Variants in MACROD1 observed in about 807,000 individuals in gnomAD.
MACROD1 encodes the protein mono-ADP ribosylhydrolase 1, also known as ADP-ribose glycohydrolase MACROD1.
Under a neutral mutation model 41.4 loss-of-function variants are expected in MACROD1, and 31 were observed. The ratio of observed to expected loss-of-function variants is 0.75; its 90% CI spans 0.56 to 1.01. The LOEUF (loss-of-function observed/expected upper bound fraction) is 1.01. Among genes scored for constraint, MACROD1 ranks in the 50% least tolerant of loss-of-function variants. The pLI is 0.00. For synonymous variants in MACROD1, 252 were observed against 203.4 expected (o/e 1.24, Z -2.03); for missense variants, 473 against 460.0 (o/e 1.03, Z -0.26).
At chr11:64,077,401 TCCCCAGCTGTG>T (rs1374752733) in intron 3 of MACROD1, among the ~76,000 whole-genome samples, 2 of 152,150 alleles carry the variant, frequency 1.3e-5, no homozygotes, top group African/African-American at 4.8e-5. Flanking sequence ...CCTCTGTCCC[TCCCCAGCTGTG>T]CCCCGTCCTC....
chr11:64,136,259 T>G (rs1945331018), intron 3 of MACROD1, among the ~76,000 whole-genome samples: 1 of 152,212 alleles, frequency 6.6e-6, no homozygotes, highest in South Asian at 2.1e-4. Context: ...CCTCATTCAT[T>G]CATTCACCCA....
At chr11:64,087,758 C>T (rs1278318795) in intron 3 of MACROD1, among the ~76,000 whole-genome samples, 2 of 152,240 alleles carry the variant, frequency 1.3e-5, no homozygotes, top group East Asian at 1.9e-4. Context: ...ACACAGAGCA[C>T]GCTGTGCACG....
rs187441628 is a variant in MACROD1 at position 64,053,889 on chromosome 11, C to T, written c.518-38608G>A. 1.1e-4 allele frequency among the ~76,000 whole-genome samples: 17 copies of T among 152,256 alleles called. 1 individual carries two copies. The highest frequency in any genetic ancestry group is 1.1e-3 in the Admixed American group (17 of 15,304). ...GGGCTAAGATGCAAGGCCGCATACCCGGTTGCTTCCGTCATCCCCCCCACC... is the reference window on the plus strand; with the variant it reads ...GGGCTAAGATGCAAGGCCGCATACCTGGTTGCTTCCGTCATCCCCCCCACC... On this transcript the variant is annotated intron_variant, in intron 3 of 10. Coordinates refer to ENST00000255681, the MANE Select transcript of MACROD1 (RefSeq NM_014067.4).
chr11:64,066,580 G>C (rs1944010078), intron 3 of MACROD1, among the ~76,000 whole-genome samples: 1 of 150,728 alleles, frequency 6.6e-6, no homozygotes, highest in African/African-American at 2.4e-5. Context: ...GATCCTACCT[G>C]TGAATAGCCA....
chr11:64,140,036 A>G (rs1284889411), intron 3 of MACROD1, among the ~76,000 whole-genome samples: 2 of 151,708 alleles, frequency 1.3e-5, no homozygotes, highest in African/African-American at 2.4e-5. Flanking sequence ...TCTGGTAAGC[A>G]GCCACTGCCC....
At chr11:64,151,419 G>T in intron 2 of MACROD1, 64 bp from the exon 3 acceptor site, 1 of 1,249,058 alleles carries the variant, frequency 8.0e-7, no homozygotes. Context: ...ACCCAGCCAG[G>T]GCCCAGGGGC....
At chr11:64,081,027 T>A (rs1004011426) in intron 3 of MACROD1, among the ~76,000 whole-genome samples, 6 of 152,306 alleles carry the variant, frequency 3.9e-5, no homozygotes, top group Middle Eastern at 3.4e-3. Context: ...ACACTTCTTA[T>A]TTTATTTATT....
At chr11:64,001,228 C>A in intron 4 of MACROD1, 3 of 596,632 alleles carry the variant, frequency 5.0e-6, no homozygotes, top group Non-Finnish European at 9.0e-6. Flanking sequence ...CCCGGGCTCA[C>A]CCCTCATCGG....
intron 3 of MACROD1, among the ~76,000 whole-genome samples, chr11:64,099,508 G>A (rs916972311): frequency 2.0e-5 from 3 of 152,016 alleles, no homozygotes; most frequent in Non-Finnish European, 4.4e-5. Flanking sequence ...ATGGACAGAC[G>A]GATAGATGGA....
intron 3 of MACROD1, among the ~76,000 whole-genome samples, chr11:64,092,800 C>T (rs1944512167): frequency 6.6e-6 from 1 of 152,232 alleles, no homozygotes; most frequent in South Asian, 2.1e-4. Flanking sequence ...CAGCATCTCC[C>T]CAAGCATGGT....
chr11:64,162,733 T>C (rs968435957), intron 1 of MACROD1, among the ~76,000 whole-genome samples: 1 of 151,328 alleles, frequency 6.6e-6, no homozygotes, highest in Non-Finnish European at 1.5e-5. Context: ...GAGAATGGCA[T>C]GAACCCAGGA....
intron 3 of MACROD1, among the ~76,000 whole-genome samples, chr11:64,114,155 A>AGTGGATGGATGCATGGATGC (rs1944922486): frequency 7.6e-6 from 1 of 130,924 alleles, no homozygotes; most frequent in African/African-American, 3.0e-5. Flanking sequence ...TGAATGAACA[A>AGTGGATGGATGCATGGATGC]GTGGATGGAT....
At chr11:64,163,142 C>CAAAT (rs148050992) in intron 1 of MACROD1, among the ~76,000 whole-genome samples, 25,288 of 149,938 alleles carry the variant, frequency 0.17, 2,358 homozygotes, top group Admixed American at 0.28. Context: ...AACAAACAAA[C>CAAAT]AAACAAACAA....
At chr11:64,123,128 G>A (rs1323304314) in intron 3 of MACROD1, among the ~76,000 whole-genome samples, 1 of 152,202 alleles carries the variant, frequency 6.6e-6, no homozygotes, top group Non-Finnish European at 1.5e-5. Context: ...GCTGGCAGGA[G>A]GGGCCGGGCG....
intron 3 of MACROD1, among the ~76,000 whole-genome samples, chr11:64,035,281 C>T (rs1017483151): frequency 5.9e-5 from 9 of 151,650 alleles, no homozygotes; most frequent in Admixed American, 1.3e-4. Flanking sequence ...CAGCACGCGG[C>T]GGATGAGAGG....
At chr11:64,013,677 T>C (rs1339800001) in intron 4 of MACROD1, among the ~76,000 whole-genome samples, 3 of 152,120 alleles carry the variant, frequency 2.0e-5, no homozygotes, top group Admixed American at 6.5e-5. Context: ...TGTGATCCTT[T>C]ATCTTCCTGA....
chr11:64,030,885 T>TA (rs35687023), intron 3 of MACROD1, among the ~76,000 whole-genome samples: 9,131 of 141,684 alleles, frequency 0.064, 654 homozygotes, highest in East Asian at 0.16. Context: ...TCCTGTCTCT[T>TA]AAAAAAAAAA....
intron 4 of MACROD1, among the ~76,000 whole-genome samples, chr11:64,004,047 C>T (rs758906948): frequency 1.6e-4 from 24 of 152,242 alleles, no homozygotes; most frequent in Non-Finnish European, 3.2e-4. Context: ...CGCCTGAGCC[C>T]GGAGGAACCT....
At chr11:64,003,612 C>T (rs555651222) in intron 4 of MACROD1, among the ~76,000 whole-genome samples, 26 of 152,290 alleles carry the variant, frequency 1.7e-4, no homozygotes, top group South Asian at 1.2e-3. Flanking sequence ...GTTGGGTAAG[C>T]ACCTGCGTGG....
Sources: allele counts gnomAD v4.1 joint callset (sites outside exome capture counted in the v4.1 genomes callset), GRCh38; gene constraint gnomAD v4.1.1; transcripts MANE v1.5; gene names NCBI Gene and HGNC (gene_info 2026-07-23, HGNC 2026-07-21).